ACBD6: variants seen among roughly 807,000 people sequenced by gnomAD.
The protein encoded by ACBD6 is acyl-CoA binding domain containing 6.
A neutral mutation model predicts 37.2 loss-of-function variants in ACBD6; 28 were observed. The observed-to-expected ratio is 0.75, with a 90% CI of 0.56 to 1.03. The LOEUF (loss-of-function observed/expected upper bound fraction) is 1.03, where lower values mean the gene tolerates loss of function less well. Ranked by LOEUF, ACBD6 falls within the 50% of genes least tolerant of loss-of-function variation. The pLI, the probability that ACBD6 is intolerant of heterozygous loss-of-function variation, is 0.00. For missense variants in ACBD6, 340 were observed against 337.4 expected (o/e 1.01, Z -0.06); for synonymous variants, 113 against 126.8 (o/e 0.89, Z 0.73).
rs539210128 is a variant in ACBD6, at chr1:180,434,935, T to G, written c.385-4673A>C. ...TTTACAAGCTCAGGCTCAGCCAACA[T>G]TGAGACCACCAAAGTCATGGGCAGT... On this transcript the variant is annotated intron_variant, in intron 3 of 7. Coordinates refer to ENST00000367595, the MANE Select transcript of ACBD6 (RefSeq NM_032360.4). 5.1e-6 allele frequency: 4 copies of G among 785,916 alleles called. No homozygotes were observed. In the South Asian group the frequency reaches 5.4e-5, roughly 11 times the overall value. The allele number at this position is 785,916 out of a possible 1,614,324, so 48.7% of individuals were successfully genotyped here.
At chr1:180,385,477 T>C (rs971077733) in intron 6 of ACBD6, among the ~76,000 whole-genome samples, 2 of 151,032 alleles carry the variant, frequency 1.3e-5, no homozygotes, top group African/African-American at 4.9e-5. Context: ...ATGGACTAAA[T>C]TGTGCTCCCC....
chr1:180,469,442 G>A, intron 3 of ACBD6, among the ~76,000 whole-genome samples: 1 of 152,170 alleles, frequency 6.6e-6, no homozygotes, highest in East Asian at 1.9e-4. Flanking sequence ...ACTCTATAGT[G>A]AGCCTGAAAA....
Position 180,502,296 on chromosome 1 carries a change from C to T in ACBD6, c.-30G>A, listed in dbSNP as rs778495558. 6.2e-7 allele frequency: 1 copy of T among 1,609,730 alleles called. No individual in the cohort carries two copies. Among genetic ancestry groups the T allele is most frequent in the Non-Finnish European group, 8.5e-7 (1 of 1,178,722 alleles). On this transcript the variant is annotated 5_prime_UTR_variant, in exon 1 of 8. Transcript: ENST00000367595. ...CCTTGCTCGCTCCGTCCCTCTGTGT[C>T]CGGTCTGTCCTCCTTGGATTGGGTG...
intron 3 of ACBD6, among the ~76,000 whole-genome samples, chr1:180,490,808 A>C (rs537393170): frequency 1.3e-5 from 2 of 150,984 alleles, no homozygotes; most frequent in South Asian, 4.2e-4. Flanking sequence ...AAAGAAAAAA[A>C]ATTTAAAAAT....
exon 14 of ACBD6, chr1:180,271,117 G>A: frequency 5.5e-6 from 3 of 545,130 alleles, no homozygotes. Flanking sequence ...CTGTGCAGCT[G>A]GGCTGGCAGG....
At chr1:180,347,160 A>G (rs1184294642) in intron 6 of ACBD6, among the ~76,000 whole-genome samples, 2 of 152,230 alleles carry the variant, frequency 1.3e-5, no homozygotes, top group Non-Finnish European at 2.9e-5. Context: ...GGTGAAAAGT[A>G]CCTTGAAAGA....
chr1:180,499,734 T>C (rs1163808035), intron 1 of ACBD6, among the ~76,000 whole-genome samples: 2 of 152,188 alleles, frequency 1.3e-5, no homozygotes, highest in Admixed American at 6.5e-5. Flanking sequence ...CTAATGTTAT[T>C]AGGACAAAGT....
chr1:180,316,167 A>C (rs987427790), intron 6 of ACBD6, among the ~76,000 whole-genome samples: 10 of 152,146 alleles, frequency 6.6e-5, no homozygotes, highest in African/African-American at 2.4e-4. Context: ...ATTCTTATGC[A>C]GGGCAGCCTG....
chr1:180,493,471 G>C (rs767185262), intron 2 of ACBD6, among the ~76,000 whole-genome samples: 7 of 151,684 alleles, frequency 4.6e-5, no homozygotes, highest in Non-Finnish European at 1.0e-4. Flanking sequence ...AGTGTTTCTC[G>C]ATTTCCCTGA....
chr1:180,444,117 T>C (rs912758489), intron 3 of ACBD6, among the ~76,000 whole-genome samples: 3 of 152,114 alleles, frequency 2.0e-5, no homozygotes, highest in East Asian at 1.9e-4. Context: ...TAATATTCCA[T>C]GCAGTAATGT....
intron 3 of ACBD6, among the ~76,000 whole-genome samples, chr1:180,430,549 T>C (rs1246590042): frequency 6.6e-6 from 1 of 152,054 alleles, no homozygotes; most frequent in Non-Finnish European, 1.5e-5. Context: ...TGATGTTCAA[T>C]GTGGTAAATA....
In ACBD6 at chr1:180,413,399, C is replaced by T. The variant is rs758045652; in HGVS notation, c.540G>A (p.Ser180=). The change falls in exon 5 of 8, where the codon TCG becomes TCA. Residue 180 remains serine (S), a synonymous_variant. Transcript: ENST00000367595. The part of the protein sequence containing the change: ...NIDHITKAIK[S]KNVDVNVKDE... Reference sequence around the variant, plus strand: ...CTTTCACATTCACATCCACATTTTTCGATTTGATGGCTTTGGTTATATGGT... The same window carrying T: ...CTTTCACATTCACATCCACATTTTTTGATTTGATGGCTTTGGTTATATGGT... 26 of 1,613,388 alleles carry T rather than the reference C, an allele frequency of 1.6e-5. No homozygotes were observed. The highest frequency in any genetic ancestry group is 4.5e-5 in the East Asian group (2 of 44,788).
intron 3 of ACBD6, among the ~76,000 whole-genome samples, chr1:180,448,055 G>A (rs892384048): frequency 6.6e-6 from 1 of 152,096 alleles, no homozygotes; most frequent in Admixed American, 6.5e-5. Context: ...TTTGCAAAAT[G>A]CAAATTAAAG....
intron 5 of ACBD6, among the ~76,000 whole-genome samples, chr1:180,409,992 T>G (rs912261340): frequency 1.3e-5 from 2 of 152,220 alleles, no homozygotes; most frequent in African/African-American, 4.8e-5. Context: ...AAGTGCTATT[T>G]CAGTGAGCAT....
chr1:180,272,119 C>A, intron 13 of ACBD6: 1 of 931,204 alleles, frequency 1.1e-6, no homozygotes, highest in Non-Finnish European at 1.6e-6. Flanking sequence ...CCCTCCTGAA[C>A]ACAGGCTTTT....
At chr1:180,480,396 T>G (rs1461655110) in intron 3 of ACBD6, among the ~76,000 whole-genome samples, 1 of 152,180 alleles carries the variant, frequency 6.6e-6, no homozygotes, top group East Asian at 1.9e-4. Context: ...ACTAATTAAA[T>G]AGGTCACTAA....
chr1:180,394,055 A>G (rs1321225940), intron 6 of ACBD6, among the ~76,000 whole-genome samples: 1 of 152,180 alleles, frequency 6.6e-6, no homozygotes, highest in Admixed American at 6.5e-5. Context: ...ATATTTCCAT[A>G]TACAATACCT....
At position 180,318,172 on chromosome 1, in the gene ACBD6, C is replaced by CG. The variant is rs200119609; in HGVS notation, c.664-3451_664-3450insC. On this transcript the variant is annotated intron_variant, in intron 6 of 7. Transcript: ENST00000367595. ...GTAAGATTCCATCTCCGCCCCCCCC[C>CG]CCCAAAAAAAAAAGAAAGAAAGAAA... Among the ~76,000 whole-genome samples the CG allele has an allele frequency of 7.8e-4, 83 of 106,450 alleles. 2 individuals are homozygous for CG. Among genetic ancestry groups the CG allele is most frequent in the Non-Finnish European group, 1.2e-3 (60 of 48,304 alleles). 69.8% of individuals were successfully genotyped at this position (106,450 alleles called of 152,430 possible).
exon 14 of ACBD6, chr1:180,269,659 G>T (rs1053103598): frequency 5.3e-5 from 8 of 152,142 alleles, no homozygotes; most frequent in African/African-American, 1.7e-4. Context: ...AACATTTTTG[G>T]TGATTGCATT....
Sources: allele counts gnomAD v4.1 joint callset (sites outside exome capture counted in the v4.1 genomes callset), GRCh38; gene constraint gnomAD v4.1.1; transcripts MANE v1.5; gene names NCBI Gene and HGNC (gene_info 2026-07-23, HGNC 2026-07-21).